Variants in KIF2C observed in about 807,000 individuals in gnomAD.
KIF2C encodes the protein kinesin family member 2C, also known as kinesin-like protein KIF2C.
KIF2C carries 34 observed loss-of-function variants against 97.4 expected under a neutral mutation model. That is an observed-to-expected ratio of 0.35 (90% CI 0.27 to 0.46). The LOEUF (loss-of-function observed/expected upper bound fraction) is 0.46. Ranked by LOEUF, KIF2C falls within the 20% of genes least tolerant of loss-of-function variation. The pLI, the probability that KIF2C is intolerant of heterozygous loss-of-function variation, is 1.00. For synonymous variants in KIF2C, 313 were observed against 318.2 expected, an observed-to-expected ratio of 0.98 and a Z score of 0.17; for missense variants, 750 against 907.6, an observed-to-expected ratio of 0.83 and a Z score of 2.23.
At chr1:44,743,160 C>T (rs1649019131) in intron 2 of KIF2C, among the ~76,000 whole-genome samples, 2 of 152,162 alleles carry the variant, frequency 1.3e-5, no homozygotes, top group Admixed American at 1.3e-4. Flanking sequence ...CAGTGGGGAA[C>T]CTTGGAAGGA....
intron 1 of KIF2C, 131 bp from the exon 2 acceptor site, chr1:44,740,782 T>A: frequency 3.0e-6 from 1 of 332,774 alleles, no homozygotes; most frequent in East Asian, 5.5e-5. Flanking sequence ...TCTCTTAGTT[T>A]TTTTTTTTTT....
intron 2 of KIF2C, among the ~76,000 whole-genome samples, chr1:44,742,457 C>G (rs1281311173): frequency 6.6e-6 from 1 of 151,338 alleles, no homozygotes; most frequent in Non-Finnish European, 1.5e-5. Flanking sequence ...GTGGCTCATG[C>G]CTGTAATCCC....
intron 19 of KIF2C, among the ~76,000 whole-genome samples, chr1:44,763,713 G>A (rs749002922): frequency 1.3e-5 from 2 of 152,138 alleles, no homozygotes; most frequent in African/African-American, 2.4e-5. Flanking sequence ...GGTAGAGGCA[G>A]TTAGGAGATT....
chr1:44,765,230 C>T (rs564274573), intron 19 of KIF2C, among the ~76,000 whole-genome samples: 3 of 152,118 alleles, frequency 2.0e-5, no homozygotes, highest in Admixed American at 6.6e-5. Flanking sequence ...TCGAGACCAG[C>T]CTGGGTAACA....
At chr1:44,762,243 C>T (rs752871815) in intron 17 of KIF2C, 103 bp from the exon 18 acceptor site, 5 of 1,106,942 alleles carry the variant, frequency 4.5e-6, no homozygotes, top group South Asian at 2.5e-5. Flanking sequence ...GGTTGCCATT[C>T]CATCCCCTTG....
In KIF2C at chr1:44,761,960, A is replaced by T. The variant is rs567554356; in HGVS notation, c.1728A>T (p.Leu576Phe). 1 of 1,613,996 alleles carries T rather than the reference A, an allele frequency of 6.2e-7. No homozygotes were observed. Among genetic ancestry groups the T allele is most frequent in the African/African-American group, 1.3e-5 (1 of 74,904 alleles). ...GCATAAGCTCCTGTGAATATACTTTAAACACCCTGAGATATGCAGACAGGT... is the reference window on the plus strand; with the variant it reads ...GCATAAGCTCCTGTGAATATACTTTTAACACCCTGAGATATGCAGACAGGT... ...SPGISSCEYT[L>F]NTLRYADRVK... Residue 576 changes from leucine to phenylalanine, a missense_variant, in exon 17 of 21, where the codon TTA becomes TTT. Transcript: ENST00000372224.
intron 2 of KIF2C, chr1:44,746,350 A>C: frequency 9.7e-7 from 1 of 1,034,340 alleles, no homozygotes; most frequent in Non-Finnish European, 1.2e-6. Context: ...GATGATGTAA[A>C]CTTAGAATTG....
Position 44,760,412 on chromosome 1 carries a change from G to A in KIF2C, c.1500G>A (p.Ala500=), listed in dbSNP as rs1140279. ...ATCTGGCAGGGAATGAGCGAGGCGCGGACACTTCCAGTGCTGACCGGCAGA... is the reference window on the plus strand; with the variant it reads ...ATCTGGCAGGGAATGAGCGAGGCGCAGACACTTCCAGTGCTGACCGGCAGA... ...LVDLAGNERG[A]DTSSADRQTR... is the part of the protein sequence containing the mutation. Residue 500 remains alanine, a synonymous_variant, in exon 15 of 21, where the codon GCG becomes GCA. Transcript: ENST00000372224. This position sits in a 1 kb window ranked among gnomAD's most constrained non-coding sequence, Gnocchi z 4.2. The A allele has an allele frequency of 0.18, 290,644 of 1,613,964 alleles. 26,621 individuals are homozygous for A. The highest frequency in any genetic ancestry group is 0.25 in the East Asian group (11,421 of 44,876).
At position 44,760,901 on chromosome 1, in the gene KIF2C, C is replaced by T; in HGVS notation, c.1683+199C>T. 1 of 573,386 alleles carries T rather than the reference C, an allele frequency of 1.7e-6. No individual in the cohort carries two copies. Among genetic ancestry groups the T allele is most frequent in the Admixed American group, 3.0e-5 (1 of 33,146 alleles). The allele number at this position is 573,386 out of a possible 1,614,324, so 35.5% of individuals were successfully genotyped here. A position where few individuals can be genotyped will look rare whatever the true frequency, so the allele number is the denominator to read the frequency against. On this transcript the variant is annotated intron_variant, in intron 16 of 20. Transcript: ENST00000372224. The surrounding 1 kb of genome is among the most constrained non-coding windows in gnomAD (Gnocchi z 4.2). The stretch of plus-strand genomic sequence containing the variant: ...CCTAACCAAGCGTGGAGGAAAGGAT[C>T]TATTCCCTTTAAGATGTGTAGGTGC...
intron 19 of KIF2C, among the ~76,000 whole-genome samples, chr1:44,763,960 G>A (rs1650305072): frequency 6.6e-6 from 1 of 151,992 alleles, no homozygotes. Context: ...TTGAACCAGG[G>A]AGGCAAAGGT....
At chr1:44,763,642 G>C (rs898450590) in intron 19 of KIF2C, among the ~76,000 whole-genome samples, 4 of 152,142 alleles carry the variant, frequency 2.6e-5, no homozygotes, top group African/African-American at 9.7e-5. Flanking sequence ...GCATGTCAGA[G>C]CTTTAGATAT....
At position 44,755,842 on chromosome 1, in the gene KIF2C, T is replaced by C; in HGVS notation, c.760-87T>C. The C allele has an allele frequency of 3.2e-6, 4 of 1,255,370 alleles. No homozygotes were observed. In the East Asian group the frequency reaches 7.0e-5, roughly 22 times the overall value. 77.8% of individuals were successfully genotyped at this position (1,255,370 alleles called of 1,614,324 possible). ...GCCTCTGACTGGGCCAGACATGGGA[T>C]TGGAAGGGGTGGGAGTTCTGGACAA... On this transcript the variant is annotated intron_variant, in intron 8 of 20. Coordinates refer to ENST00000372224, the MANE Select transcript of KIF2C (RefSeq NM_006845.4).
chr1:44,747,209 G>A (rs1263565700), intron 2 of KIF2C, among the ~76,000 whole-genome samples, 175 bp from the exon 3 acceptor site: 1 of 151,594 alleles, frequency 6.6e-6, no homozygotes, highest in East Asian at 2.0e-4. Context: ...TCAGGAGGCT[G>A]AGGCAGGAGA....
intron 17 of KIF2C, 178 bp from the exon 18 acceptor site, chr1:44,762,168 G>T: frequency 1.2e-6 from 1 of 838,102 alleles, no homozygotes; most frequent in Non-Finnish European, 2.1e-6. Flanking sequence ...CCCTGCTGGA[G>T]AGTCAGCTGG....
chr1:44,767,082 T>C lies in KIF2C; in HGVS notation c.2096-15T>C. On this transcript the variant is annotated splice_polypyrimidine_tract_variant and intron_variant, in intron 20 of 20. Transcript: ENST00000372224. ...CTCTCACTAACCCCATATGTACCGC[T>C]ACCCTTTCTTCCAGATGTCATCAAG... 4 of 1,613,730 alleles carry C rather than the reference T, an allele frequency of 2.5e-6. No homozygotes were observed. The highest frequency in any genetic ancestry group is 3.4e-6 in the Non-Finnish European group (4 of 1,179,678).
chr1:44,765,102 A>G (rs943035305), intron 19 of KIF2C, among the ~76,000 whole-genome samples: 38 of 152,132 alleles, frequency 2.5e-4, no homozygotes, highest in Non-Finnish European at 4.9e-4. Flanking sequence ...CCTGGGCAAC[A>G]GAGCAAGACT....
chr1:44,746,513 C>T, intron 2 of KIF2C: 1 of 1,286,562 alleles, frequency 7.8e-7, no homozygotes, highest in Non-Finnish European at 9.8e-7. Flanking sequence ...TCCTAAAGGG[C>T]CCCCATTTGA....
chr1:44,743,552 G>A (rs771525613), intron 2 of KIF2C, among the ~76,000 whole-genome samples: 3 of 152,272 alleles, frequency 2.0e-5, no homozygotes, highest in Middle Eastern at 3.4e-3. Context: ...ACTTTGGGAG[G>A]CTGAGGCAGG....
At chr1:44,750,345 TG>T (rs1240818113) in intron 4 of KIF2C, 96 bp from the exon 5 acceptor site, 17 of 1,254,984 alleles carry the variant, frequency 1.4e-5, no homozygotes, top group Non-Finnish European at 1.5e-5. Context: ...TCCTGGTAGC[TG>T]GGACCTATTT....
Sources: gnomAD v4.1 joint callset for allele counts (sites outside exome capture counted in the v4.1 genomes callset) on GRCh38, gnomAD v4.1.1 for gene constraint, Gnocchi (gnomAD v3.1) non-coding constraint, MANE v1.5 for transcripts, NCBI Gene and HGNC (gene_info 2026-07-23, HGNC 2026-07-21) for gene names.